Variants in CSN3 observed in about 807,000 individuals in gnomAD.
The protein encoded by CSN3 is kappa-casein.
Under a neutral mutation model 9.9 loss-of-function variants are expected in CSN3, and 7 were observed. That is an observed-to-expected ratio of 0.71 (90% CI 0.40 to 1.33). The LOEUF (loss-of-function observed/expected upper bound fraction) is 1.33. CSN3 is among the 40% of genes most tolerant of loss of function. CSN3 has a pLI of 0.01. For synonymous variants in CSN3, 88 were observed against 82.3 expected (o/e 1.07, Z -0.37); for missense variants, 253 against 227.9 (o/e 1.11, Z -0.71).
chr4:70,244,910 T>G (rs768701343), intron 2 of CSN3, 37 bp downstream of exon 2: 1 of 1,365,750 alleles, frequency 7.3e-7, no homozygotes, highest in Non-Finnish European at 9.8e-7. Context: ...GTACTGACTT[T>G]AAGAAAATTT....
chr4:70,248,874 G>A, intron 3 of CSN3, 124 bp from the exon 4 acceptor site: 2 of 574,196 alleles, frequency 3.5e-6, no homozygotes, highest in South Asian at 4.2e-5. Context: ...TTGCTGCTGG[G>A]TTCCATACTT....
chr4:70,247,340 A>G (rs1730398791), intron 2 of CSN3, among the ~76,000 whole-genome samples: 1 of 152,136 alleles, frequency 6.6e-6, no homozygotes, highest in Non-Finnish European at 1.5e-5. Context: ...TAAAAACACT[A>G]TTATTTATAT....
upstream of CSN3, among the ~76,000 whole-genome samples, chr4:70,239,181 C>G (rs913280723): frequency 2.0e-5 from 3 of 150,460 alleles, no homozygotes; most frequent in Non-Finnish European, 4.4e-5. Flanking sequence ...ATAAGAGGAA[C>G]CAAAATGGAA....
At chr4:70,250,171 A>G (rs1039291871) in intron 4 of CSN3, among the ~76,000 whole-genome samples, 11 of 152,248 alleles carry the variant, frequency 7.2e-5, no homozygotes, top group Non-Finnish European at 1.5e-4. Flanking sequence ...ATGGCAGAAT[A>G]TAAAATAATT....
At chr4:70,249,154 G>A (rs1448835067) in exon 4 of CSN3, 2 of 1,613,888 alleles carry the variant, frequency 1.2e-6, no homozygotes, top group Non-Finnish European at 1.7e-6. Flanking sequence ...CACATATTAT[G>A]CAAACCCAGC....
chr4:70,242,984 G>A (rs1278055646), intron 1 of CSN3, among the ~76,000 whole-genome samples: 2 of 152,088 alleles, frequency 1.3e-5, no homozygotes, highest in Admixed American at 6.6e-5. Context: ...TCCACAGGAA[G>A]TTGGGCTCAT....
intron 2 of CSN3, among the ~76,000 whole-genome samples, chr4:70,246,566 A>C (rs17520678): frequency 0.11 from 17,393 of 152,082 alleles, 1,317 homozygotes; most frequent in East Asian, 0.27. Context: ...GATACTTTTT[A>C]GACAAGCATA....
At chr4:70,247,497 G>A (rs1730403602) in intron 2 of CSN3, among the ~76,000 whole-genome samples, 1 of 151,936 alleles carries the variant, frequency 6.6e-6, no homozygotes, top group Non-Finnish European at 1.5e-5. Context: ...AAACTAAATA[G>A]AAATTATTCA....
At chr4:70,249,481 G>A (rs1197555410) in exon 4 of CSN3, 1 of 1,567,180 alleles carries the variant, frequency 6.4e-7, no homozygotes, top group East Asian at 2.3e-5. Flanking sequence ...AAATATCAAA[G>A]AACACAACGC....
At chr4:70,246,671 CTT>C (rs11293109) in intron 2 of CSN3, among the ~76,000 whole-genome samples, 16,293 of 125,318 alleles carry the variant, frequency 0.13, 772 homozygotes, top group African/African-American at 0.16. Context: ...CATATTACTT[CTT>C]TTTTTTTTTT....
chr4:70,249,994 T>C (rs1477893712), intron 4 of CSN3, among the ~76,000 whole-genome samples: 1 of 152,188 alleles, frequency 6.6e-6, no homozygotes, highest in Non-Finnish European at 1.5e-5. Flanking sequence ...CAGACATCAT[T>C]TCCAAAATGA....
exon 4 of CSN3, chr4:70,249,328 G>C (rs115386969): frequency 1.2e-6 from 2 of 1,613,942 alleles, no homozygotes; most frequent in East Asian, 4.5e-5. Context: ...CATTGCTACT[G>C]TTGAACCTAC....
upstream of CSN3, among the ~76,000 whole-genome samples, chr4:70,240,692 T>C (rs1358045240): frequency 1.3e-5 from 2 of 151,984 alleles, no homozygotes; most frequent in African/African-American, 4.8e-5. Flanking sequence ...ATATGGGAAA[T>C]ATCCAATGTT....
upstream of CSN3, among the ~76,000 whole-genome samples, chr4:70,242,025 C>T (rs190717855): frequency 6.6e-6 from 1 of 151,928 alleles, no homozygotes; most frequent in African/African-American, 2.4e-5. Flanking sequence ...CAGTCAATGC[C>T]AGATGTAGTA....
chr4:70,244,358 C>T (rs558296035), intron 1 of CSN3, among the ~76,000 whole-genome samples: 1 of 152,174 alleles, frequency 6.6e-6, no homozygotes, highest in Admixed American at 6.6e-5. Context: ...CTGTTAAATA[C>T]TGCATAGGCA....
intron 4 of CSN3, among the ~76,000 whole-genome samples, chr4:70,251,042 A>G (rs1198712995): frequency 6.6e-6 from 1 of 151,166 alleles, no homozygotes; most frequent in African/African-American, 2.4e-5. Context: ...TGCAAAACAT[A>G]AAGAAGCATG....
chr4:70,247,705 T>G (rs1435793163), intron 2 of CSN3, 113 bp from the exon 3 acceptor site: 8 of 918,156 alleles, frequency 8.7e-6, no homozygotes, highest in Non-Finnish European at 1.2e-5. Flanking sequence ...TTTTAAAAAA[T>G]AAAAAGAAAA....
At chr4:70,249,017 G>T in exon 4 of CSN3, 2 of 1,594,576 alleles carry the variant, frequency 1.3e-6, no homozygotes, top group South Asian at 1.1e-5. Context: ...AATGATGAAA[G>T]ACCATTCTAT....
intron 2 of CSN3, among the ~76,000 whole-genome samples, chr4:70,246,157 A>G (rs1409188287): frequency 6.6e-6 from 1 of 152,164 alleles, no homozygotes; most frequent in East Asian, 1.9e-4. Flanking sequence ...ATACCATGTT[A>G]TATGTACTAT....
Sources: gnomAD v4.1 joint callset for allele counts (sites outside exome capture counted in the v4.1 genomes callset) on GRCh38, gnomAD v4.1.1 for gene constraint, MANE v1.5 for transcripts, NCBI Gene and HGNC (gene_info 2026-07-23, HGNC 2026-07-21) for gene names.